PHTF2: variants seen among roughly 807,000 people sequenced by gnomAD.
The protein encoded by PHTF2 is putative homeodomain transcription factor 2.
PHTF2 carries 60 observed loss-of-function variants against 101.2 expected under a neutral mutation model. The ratio of observed to expected loss-of-function variants is 0.59; its 90% CI spans 0.48 to 0.73. PHTF2 has a LOEUF of 0.73. Ranked by LOEUF, PHTF2 falls within the 30% of genes least tolerant of loss-of-function variation. PHTF2 has a pLI of 0.00. For synonymous variants in PHTF2, 311 were observed against 307.3 expected (o/e 1.01, Z -0.13); for missense variants, 747 against 908.7 (o/e 0.82, Z 2.29).
intron 1 of PHTF2, among the ~76,000 whole-genome samples, chr7:77,818,806 A>G (rs1391358796): frequency 1.3e-5 from 2 of 152,186 alleles, no homozygotes; most frequent in African/African-American, 4.8e-5. Flanking sequence ...TTATTTTGAC[A>G]TGTGCATTGA....
chr7:77,950,913 G>A (rs982711125), intron 17 of PHTF2, among the ~76,000 whole-genome samples: 6 of 152,196 alleles, frequency 3.9e-5, no homozygotes, highest in African/African-American at 1.4e-4. Context: ...AGTCTCACCA[G>A]TCAGTATATT....
intron 15 of PHTF2, among the ~76,000 whole-genome samples, chr7:77,941,670 A>G (rs1805651134): frequency 6.6e-6 from 1 of 152,142 alleles, no homozygotes; most frequent in South Asian, 2.1e-4. Flanking sequence ...TGCTCCCAAA[A>G]TATATCTTGA....
chr7:77,899,354 A>AT (rs147576929), intron 5 of PHTF2, among the ~76,000 whole-genome samples: 3,419 of 148,016 alleles, frequency 0.023, 52 homozygotes, highest in Middle Eastern at 0.072. Context: ...GGGTGACTCA[A>AT]TTTTTTTTTT....
chr7:77,827,124 A>C (rs905534096), intron 1 of PHTF2, among the ~76,000 whole-genome samples: 1 of 152,194 alleles, frequency 6.6e-6, no homozygotes, highest in African/African-American at 2.4e-5. Flanking sequence ...TGTAAAGTTG[A>C]ACATGTAGAT....
intron 7 of PHTF2, among the ~76,000 whole-genome samples, chr7:77,905,023 C>T (rs373030846): frequency 5.3e-5 from 8 of 152,040 alleles, no homozygotes; most frequent in Admixed American, 3.3e-4. Context: ...TATCAGCTAT[C>T]GTTAGTGTTA....
chr7:77,942,950 T>G (rs928828648), intron 16 of PHTF2, among the ~76,000 whole-genome samples, 164 bp downstream of exon 15: 1 of 152,248 alleles, frequency 6.6e-6, no homozygotes, highest in African/African-American at 2.4e-5. Context: ...ATCTTATCTC[T>G]GTGCCATGAA....
At chr7:77,901,713 A>G (rs766551303) in intron 6 of PHTF2, 49 bp from the exon 6 acceptor site, 155 of 1,066,602 alleles carry the variant, frequency 1.5e-4, no homozygotes, top group Non-Finnish European at 1.9e-4. Context: ...TAAAGAAATT[A>G]AAGAATAATA....
At chr7:77,947,278 G>A (rs1297515175) in intron 16 of PHTF2, among the ~76,000 whole-genome samples, 1 of 152,120 alleles carries the variant, frequency 6.6e-6, no homozygotes, top group East Asian at 1.9e-4. Context: ...GGTACACAAT[G>A]AGGCTGAGCG....
intron 9 of PHTF2, among the ~76,000 whole-genome samples, chr7:77,913,489 G>C (rs143173029): frequency 5.5e-4 from 84 of 151,770 alleles, no homozygotes; most frequent in South Asian, 1.7e-3. Context: ...TTCTATTAAA[G>C]AGATTGAATA....
intron 1 of PHTF2, among the ~76,000 whole-genome samples, chr7:77,820,212 C>G (rs766498283): frequency 6.6e-6 from 1 of 152,208 alleles, no homozygotes; most frequent in South Asian, 2.1e-4. Flanking sequence ...ATTACTGATT[C>G]AATCTGGTTA....
intron 4 of PHTF2, 64 bp downstream of exon 3, chr7:77,893,728 T>C (rs1000910897): frequency 7.0e-6 from 5 of 711,310 alleles, no homozygotes; most frequent in Non-Finnish European, 1.2e-5. Context: ...AATTACATTT[T>C]CTGTAGTGTT....
chr7:77,921,892 A>G (rs1482110221), intron 10 of PHTF2, among the ~76,000 whole-genome samples: 1 of 152,144 alleles, frequency 6.6e-6, no homozygotes, highest in African/African-American at 2.4e-5. Flanking sequence ...CTTATCCTGT[A>G]AACCATTATT....
intron 2 of PHTF2, among the ~76,000 whole-genome samples, chr7:77,842,491 A>G (rs1375323850): frequency 1.3e-5 from 2 of 152,164 alleles, no homozygotes; most frequent in African/African-American, 4.8e-5. Flanking sequence ...TTTTGCTTTT[A>G]AATTTAATTT....
At chr7:77,892,476 C>G (rs962928786) in intron 3 of PHTF2, among the ~76,000 whole-genome samples, 1 of 152,140 alleles carries the variant, frequency 6.6e-6, no homozygotes, top group Non-Finnish European at 1.5e-5. Context: ...TCAGAAAATA[C>G]TCTTTCCTCC....
At chr7:77,831,598 T>C (rs1335431457) in intron 1 of PHTF2, among the ~76,000 whole-genome samples, 1 of 152,242 alleles carries the variant, frequency 6.6e-6, no homozygotes, top group Non-Finnish European at 1.5e-5. Flanking sequence ...TTTTGTGTGA[T>C]ACACTTCTCA....
At chr7:77,839,073 T>C (rs922817230) in intron 1 of PHTF2, among the ~76,000 whole-genome samples, 1 of 152,194 alleles carries the variant, frequency 6.6e-6, no homozygotes, top group African/African-American at 2.4e-5. Context: ...CCTCCGGTAC[T>C]TTGTTTACTG....
intron 3 of PHTF2, among the ~76,000 whole-genome samples, chr7:77,881,924 T>A (rs1357554506): frequency 6.6e-6 from 1 of 152,240 alleles, no homozygotes; most frequent in Non-Finnish European, 1.5e-5. Flanking sequence ...TCTTTGGATT[T>A]ATAACTTCTG....
chr7:77,910,943 A>C (rs559388315), intron 9 of PHTF2, among the ~76,000 whole-genome samples: 1 of 152,202 alleles, frequency 6.6e-6, no homozygotes, highest in East Asian at 1.9e-4. Context: ...ATATTTCTGA[A>C]GTACTATTTT....
At chr7:77,933,729 T>TTTG (rs35100854) in intron 12 of PHTF2, among the ~76,000 whole-genome samples, 2 of 148,108 alleles carry the variant, frequency 1.4e-5, no homozygotes, top group African/African-American at 5.2e-5. Flanking sequence ...TTTTTTTTTT[T>TTTG]GCTCAGTGTT....
Sources: allele counts gnomAD v4.1 joint callset (sites outside exome capture counted in the v4.1 genomes callset), GRCh38; gene constraint gnomAD v4.1.1; transcripts MANE v1.5; gene names NCBI Gene and HGNC (gene_info 2026-07-23, HGNC 2026-07-21).